CATSPERG: variants seen among roughly 807,000 people sequenced by gnomAD.
CATSPERG encodes catsper channel auxiliary subunit gamma.
Under a neutral mutation model 145.0 loss-of-function variants are expected in CATSPERG, and 115 were observed. That is an observed-to-expected ratio of 0.79 (90% CI 0.68 to 0.93). CATSPERG has a LOEUF of 0.93. Among genes scored for constraint, CATSPERG ranks in the 40% least tolerant of loss-of-function variants. The pLI is 0.00. For missense variants in CATSPERG, 1,296 were observed against 1,490.1 expected, an observed-to-expected ratio of 0.87 and a Z score of 2.14; for synonymous variants, 588 against 589.0, an observed-to-expected ratio of 1.00 and a Z score of 0.02.
Position 38,346,552 on chromosome 19 carries a change from G to A in CATSPERG, c.772G>A (p.Glu258Lys). The change falls in exon 7 of 29, where the codon GAG becomes AAG. Residue 258 changes from glutamate to lysine, a missense_variant. Physicochemically the swap from Glu to Lys is moderately conservative, Grantham distance 56. Transcript: ENST00000409235. ...GCTTATCCTGGGAGGCATTCCCAAT[G>A]AGAAGTACGTCCTGATGACTGACAC... The part of the protein sequence containing the change: ...PVLILGGIPN[E>K]KYVLMTDTSF... 1 of 1,551,692 alleles carries A rather than the reference G, an allele frequency of 6.4e-7. No homozygotes were observed.
chr19:38,362,619 T>C (rs1306545335), intron 19 of CATSPERG, 45 bp downstream of exon 19: 6 of 1,607,276 alleles, frequency 3.7e-6, no homozygotes, highest in South Asian at 3.3e-5. Context: ...GGGCGAGGGC[T>C]ACCAGAATCT....
Position 38,364,997 on chromosome 19 carries a change from G to A in CATSPERG, c.2556+26G>A, listed in dbSNP as rs765824134. On this transcript the variant is annotated intron_variant, in intron 21 of 28. Transcript: ENST00000409235. ...GTGAGGTCCAAGCCTGGAGGGGAGG[G>A]TGCAGGATGGTGGGAAAGCCTGGGC... The A allele has an allele frequency of 3.1e-6, 5 of 1,613,204 alleles. No homozygotes were observed. In the South Asian group the frequency reaches 4.4e-5, roughly 14 times the overall value.
chr19:38,366,586 G>C, intron 22 of CATSPERG: 1 of 153,562 alleles, frequency 6.5e-6, no homozygotes, highest in Non-Finnish European at 1.4e-5. Context: ...TGGGGTGGGG[G>C]GACATCAATG....
rs375180844 is a variant in CATSPERG, at chr19:38,362,563, A to T, written c.2345A>T (p.Gln782Leu). The change falls in exon 19 of 29, where the codon CAG becomes CTG. Residue 782 changes from glutamine (Q) to leucine (L), a missense_variant. Physicochemically the swap from Gln to Leu is moderately radical, Grantham distance 113. Coordinates refer to ENST00000409235, the MANE Select transcript of CATSPERG (RefSeq NM_021185.5). ...GCGCAGGGCCACTCGTTCCGGACGC[A>T]GTCAGAACTCGGTCTGCGCGGGACC... ...LSAQGHSFRTQSELGTAFQLH... is the reference protein window; with the variant it reads ...LSAQGHSFRTLSELGTAFQLH... 12 of 1,613,776 alleles carry T rather than the reference A, an allele frequency of 7.4e-6. No individual in the cohort carries two copies. The highest frequency in any genetic ancestry group is 1.3e-5 in the African/African-American group (1 of 75,022).
chr19:38,354,769 C>T lies in CATSPERG; in HGVS notation c.1057C>T (p.His353Tyr). 2.5e-6 allele frequency: 4 copies of T among 1,614,196 alleles called. No individual in the cohort carries two copies. The highest frequency in any genetic ancestry group is 2.5e-6 in the Non-Finnish European group (3 of 1,180,040). Residue 353 changes from histidine (H) to tyrosine (Y), a missense_variant, in exon 9 of 29, where the codon CAT (histidine) becomes TAT (tyrosine). By Grantham distance (83) the His-to-Tyr change is moderately conservative. Coordinates refer to ENST00000409235, the MANE Select transcript of CATSPERG (RefSeq NM_021185.5). ...CAAGAAGCTGTGCCCTGTGTATTTC[C>T]ATAGCAATGGCTCTGAGTACATAAT... ...CIKKLCPVYF[H>Y]SNGSEYIMAL... is the part of the protein sequence containing the mutation.
Position 38,361,759 on chromosome 19 carries a change from G to A in CATSPERG, c.1992G>A (p.Pro664=), listed in dbSNP as rs759550336. The change falls in exon 17 of 29, where the codon CCG becomes CCA. Residue 664 remains proline, a synonymous_variant. Coordinates refer to ENST00000409235, the MANE Select transcript of CATSPERG (RefSeq NM_021185.5). ...YTRQERYRAR[P]PRVLERSGFH... ...GCCAGGAGCGCTACCGGGCGCGGCC[G>A]CCGCGCGTCCTGGAGCGCTCGGGCT... 6 of 1,612,800 alleles carry A rather than the reference G, an allele frequency of 3.7e-6. No homozygotes were observed. The African/African-American group carries it at 4.0e-5, about 11-fold the overall frequency.
chr19:38,360,895 T>G (rs1568380394), intron 16 of CATSPERG, 52 bp downstream of exon 16: 1 of 1,421,498 alleles, frequency 7.0e-7, no homozygotes, highest in Non-Finnish European at 9.8e-7. Flanking sequence ...GGCACTGCCC[T>G]CCTGAAGCTA....
At chr19:38,349,450 C>G (rs1970097271) in intron 7 of CATSPERG, 1 of 151,924 alleles carries the variant, frequency 6.6e-6, no homozygotes, top group Admixed American at 6.6e-5. Context: ...GTTCTCTAAC[C>G]AAGGAGATTT....
intron 17 of CATSPERG, 44 bp downstream of exon 17, chr19:38,361,905 G>C (rs753168174): frequency 6.5e-7 from 1 of 1,541,892 alleles, no homozygotes; most frequent in East Asian, 2.4e-5. Flanking sequence ...ACGGGACTGG[G>C]GCAGCCGGGA....
intron 3 of CATSPERG, among the ~76,000 whole-genome samples, chr19:38,341,177 G>A (rs1420920035): frequency 6.6e-6 from 1 of 152,188 alleles, no homozygotes; most frequent in Admixed American, 6.5e-5. Context: ...ATGGGCCATG[G>A]TGAGGACTTG....
chr19:38,346,041 C>T (rs73043021), intron 6 of CATSPERG, among the ~76,000 whole-genome samples: 3,679 of 152,228 alleles, frequency 0.024, 62 homozygotes, highest in South Asian at 0.045. Flanking sequence ...GGGCGGTAAG[C>T]GCTCTGGAGA....
chr19:38,343,231 C>T (rs1969967887), intron 3 of CATSPERG, among the ~76,000 whole-genome samples: 1 of 152,088 alleles, frequency 6.6e-6, no homozygotes, highest in Admixed American at 6.6e-5. Context: ...GTGCCACATC[C>T]CTCCCACCTT....
At position 38,359,771 on chromosome 19, in the gene CATSPERG, G is replaced by A. The variant is rs1007176148; in HGVS notation, c.1608+190G>A. On this transcript the variant is annotated intron_variant, in intron 14 of 28. Coordinates refer to ENST00000409235, the MANE Select transcript of CATSPERG (RefSeq NM_021185.5). ...GGGTAAGTGTCAGCTCCAAAGTCACGCAGACCGGAGCTATGATCCGATGTT... is the reference window on the plus strand; with the variant it reads ...GGGTAAGTGTCAGCTCCAAAGTCACACAGACCGGAGCTATGATCCGATGTT... 16 of 1,340,398 alleles carry A rather than the reference G, an allele frequency of 1.2e-5. No individual in the cohort carries two copies. In the African/African-American group the frequency reaches 1.9e-4, roughly 16 times the overall value. The allele number at this position is 1,340,398 out of a possible 1,614,324, so 83.0% of individuals were successfully genotyped here.
In CATSPERG at chr19:38,358,710, A is replaced by T. The variant is rs190690060; in HGVS notation, c.1496+149A>T. 8.6e-5 allele frequency: 80 copies of T among 927,276 alleles called. No individual in the cohort carries two copies. In the African/African-American group the frequency reaches 1.2e-3, roughly 13 times the overall value. The allele number at this position is 927,276 out of a possible 1,614,324, so 57.4% of individuals were successfully genotyped here. The stretch of plus-strand genomic sequence containing the variant: ...AGAAGTTACCAGGACTGTGATGAGG[A>T]ACACACCGTTAGGGTAGTCAGTGCT... On this transcript the variant is annotated intron_variant, in intron 13 of 28. Coordinates refer to ENST00000409235, the MANE Select transcript of CATSPERG (RefSeq NM_021185.5).
intron 13 of CATSPERG, among the ~76,000 whole-genome samples, chr19:38,359,145 C>T (rs1970299945): frequency 6.6e-6 from 1 of 151,936 alleles, no homozygotes; most frequent in Admixed American, 6.6e-5. Context: ...CCACCATGCC[C>T]GGCTAATTGA....
intron 1 of CATSPERG, 145 bp downstream of exon 1, chr19:38,336,020 G>A (rs561590098): frequency 1.8e-4 from 55 of 309,200 alleles, no homozygotes; most frequent in African/African-American, 1.1e-3. Context: ...AGCTGGGAGA[G>A]GAGGGAAAGA....
intron 20 of CATSPERG, among the ~76,000 whole-genome samples, chr19:38,363,972 C>T (rs999888511): frequency 6.6e-6 from 1 of 152,270 alleles, no homozygotes; most frequent in Admixed American, 6.5e-5. Flanking sequence ...TCTCAATGAG[C>T]TGTTGGGCAT....
At chr19:38,350,132 TC>T (rs756858724) in intron 7 of CATSPERG, among the ~76,000 whole-genome samples, 1 of 152,138 alleles carries the variant, frequency 6.6e-6, no homozygotes, top group Non-Finnish European at 1.5e-5. Flanking sequence ...AAACTTCACT[TC>T]CACTGACATT....
intron 7 of CATSPERG, among the ~76,000 whole-genome samples, chr19:38,347,328 A>AGATT (rs1309776100): frequency 2.0e-5 from 3 of 152,174 alleles, no homozygotes; most frequent in Non-Finnish European, 2.9e-5. Context: ...CAGCGAGCCA[A>AGATT]GATTGTGCCA....
Sources: allele counts gnomAD v4.1 joint callset (sites outside exome capture counted in the v4.1 genomes callset), GRCh38; gene constraint gnomAD v4.1.1; transcripts MANE v1.5; gene names NCBI Gene and HGNC (gene_info 2026-07-23, HGNC 2026-07-21).